TLE3: variants seen among roughly 807,000 people sequenced by gnomAD.
TLE3 encodes the protein TLE family member 3, transcriptional corepressor, also known as transducin-like enhancer protein 3.
In TLE3, 14 loss-of-function variants were observed where a neutral mutation model predicts 93.0. The observed-to-expected ratio is 0.15, with a 90% CI of 0.10 to 0.24. The LOEUF (loss-of-function observed/expected upper bound fraction) is 0.24, where lower values mean the gene tolerates loss of function less well. TLE3 is among the 10% of genes least tolerant of loss of function. The pLI is 1.00. For missense variants in TLE3, 693 were observed against 1,046.6 expected, an observed-to-expected ratio of 0.66 and a Z score of 4.66; for synonymous variants, 451 against 425.0, an observed-to-expected ratio of 1.06 and a Z score of -0.75.
chr15:70,095,423 G>A (rs1465882879), intron 3 of TLE3, 155 bp downstream of exon 3: 4 of 1,501,626 alleles, frequency 2.7e-6, no homozygotes, highest in Non-Finnish European at 2.7e-6. Flanking sequence ...TGGAAGCTGG[G>A]GAAGGGGAGG....
chr15:70,051,412 A>G lies in TLE3; in HGVS notation c.2181T>C (p.Pro727=). ...KDNLLNAWRT[P]YGASIFQSKE... Reference sequence around the variant, plus strand: ...GTACCTGGAATATGCTGGCTCCATAAGGCGTCCTCCAGGCGTTGAGAAGGT... The same window carrying G: ...GTACCTGGAATATGCTGGCTCCATAGGGCGTCCTCCAGGCGTTGAGAAGGT... The change falls in exon 19 of 20, where the codon CCT becomes CCC. Residue 727 remains proline (P), a synonymous_variant. Transcript: ENST00000451782. The G allele has an allele frequency of 1.2e-6, 2 of 1,610,040 alleles. No individual in the cohort carries two copies. The highest frequency in any genetic ancestry group is 1.7e-4 in the Middle Eastern group (1 of 6,060).
At chr15:70,051,317 C>A in intron 19 of TLE3, 74 bp downstream of exon 19, 1 of 1,431,910 alleles carries the variant, frequency 7.0e-7, no homozygotes, top group South Asian at 1.3e-5. Flanking sequence ...CTGCTGCTAT[C>A]CTCACTCCCA....
intron 12 of TLE3, 194 bp downstream of exon 12, chr15:70,057,965 A>T: frequency 2.2e-6 from 2 of 920,342 alleles, no homozygotes; most frequent in Non-Finnish European, 3.2e-6. Context: ...TGCTGCTTTC[A>T]TGTCTGGCCC....
In TLE3 at chr15:70,096,837, C is replaced by T. The variant is rs890985958; in HGVS notation, c.-39G>A. On this transcript the variant is annotated 5_prime_UTR_variant, in exon 1 of 20. Coordinates refer to ENST00000451782, the MANE Select transcript of TLE3 (RefSeq NM_001105192.3). ...CGTGATTCCGAGAGCGTGGAAGCGC[C>T]GAGAGCCCGGGCCGGGGAGGTGCGG... 1.9e-6 allele frequency: 3 copies of T among 1,600,638 alleles called. No homozygotes were observed. The highest frequency in any genetic ancestry group is 1.3e-5 in the African/African-American group (1 of 74,274).
Position 70,065,996 on chromosome 15 carries a change from G to GGC in TLE3, c.577+17_577+18insGC. 3 of 1,347,752 alleles carry GGC rather than the reference G, an allele frequency of 2.2e-6. No homozygotes were observed. Among genetic ancestry groups the GGC allele is most frequent in the Non-Finnish European group, 3.1e-6 (3 of 955,716 alleles). 83.5% of individuals were successfully genotyped at this position (1,347,752 alleles called of 1,614,324 possible). ...CCACCCCTGCCCCGCCCCACCCTCT[G>GGC]CCCCAGCCCAGCCGCACCTCTGTGA... On this transcript the variant is annotated intron_variant, in intron 7 of 19. Transcript: ENST00000451782.
chr15:70,068,199 A>G (rs76226590), intron 6 of TLE3, among the ~76,000 whole-genome samples: 3,288 of 152,260 alleles, frequency 0.022, 158 homozygotes, highest in East Asian at 0.21. Flanking sequence ...TTACCCTTCA[A>G]TCCTACCCTC....
intron 16 of TLE3, 31 bp downstream of exon 16, chr15:70,054,407 G>A (rs1328135219): frequency 2.5e-6 from 4 of 1,596,236 alleles, no homozygotes; most frequent in East Asian, 2.2e-5. Context: ...TCCCCAGGAC[G>A]AGGCACTAAT....
chr15:70,065,887 G>T, intron 7 of TLE3, 127 bp downstream of exon 7: 1 of 1,038,208 alleles, frequency 9.6e-7, no homozygotes, highest in Non-Finnish European at 1.4e-6. Context: ...ATCAACAGAT[G>T]ACTCCAAATC....
At chr15:70,062,107 C>T (rs2056516706) in intron 8 of TLE3, among the ~76,000 whole-genome samples, 1 of 152,306 alleles carries the variant, frequency 6.6e-6, no homozygotes, top group African/African-American at 2.4e-5. Context: ...GCAGCCCTAC[C>T]CGGCCAAGTT....
chr15:70,058,339 TCCTAGGAG>T lies in TLE3; in HGVS notation c.919-56_919-49del, dbSNP rs768836762. 1 of 1,548,486 alleles carries T rather than the reference TCCTAGGAG, an allele frequency of 6.5e-7. No homozygotes were observed. Among genetic ancestry groups the T allele is most frequent in the Non-Finnish European group, 8.7e-7 (1 of 1,145,924 alleles). ...AAGGGAGGCCATGAGGCTTCCATTC[TCCTAGGAG>T]CCGGGCACAACTGGTGCCGGTCCCA... On this transcript the variant is annotated intron_variant, in intron 11 of 19. Transcript: ENST00000451782. This position sits in a 1 kb window ranked among gnomAD's most constrained non-coding sequence, Gnocchi z 4.1.
chr15:70,068,734 C>A (rs2056967712), intron 6 of TLE3, among the ~76,000 whole-genome samples: 1 of 152,186 alleles, frequency 6.6e-6, no homozygotes, highest in African/African-American at 2.4e-5. Flanking sequence ...AGTTGAATAG[C>A]TCCACGCACC....
In TLE3 at chr15:70,095,570, C is replaced by T; in HGVS notation, c.189+8G>A. 6.4e-7 allele frequency: 1 copy of T among 1,550,890 alleles called. No homozygotes were observed. Among genetic ancestry groups the T allele is most frequent in the Non-Finnish European group, 8.7e-7 (1 of 1,146,586 alleles). ...CAACCGCCCCCCAGGCCCGCGGCCGCATCTCACCATCACATAATGGCGCTG... is the reference window on the plus strand; with the variant it reads ...CAACCGCCCCCCAGGCCCGCGGCCGTATCTCACCATCACATAATGGCGCTG... On this transcript the variant is annotated splice_region_variant and intron_variant, in intron 3 of 19. Transcript: ENST00000451782.
Position 70,097,406 on chromosome 15 carries a change from G to C in TLE3, c.-608C>G. 2.4e-6 allele frequency: 1 copy of C among 409,802 alleles called. No homozygotes were observed. The highest frequency in any genetic ancestry group is 4.3e-6 in the Non-Finnish European group (1 of 232,492). 25.4% of individuals were successfully genotyped at this position (409,802 alleles called of 1,614,324 possible). A position where few individuals can be genotyped will look rare whatever the true frequency, so the allele number is the denominator to read the frequency against. ...GGGAGCCCGGCGCGGGCGCTTCGAC[G>C]CCCCCCCTCGGAGAGGAGAGCCTGC... is the stretch of plus-strand genomic sequence containing the variant. On this transcript the variant is annotated 5_prime_UTR_variant, in exon 1 of 20. Coordinates refer to ENST00000451782, the MANE Select transcript of TLE3 (RefSeq NM_001105192.3).
chr15:70,062,008 T>C (rs2056508868), intron 8 of TLE3, among the ~76,000 whole-genome samples: 1 of 152,144 alleles, frequency 6.6e-6, no homozygotes, highest in East Asian at 1.9e-4. Flanking sequence ...CAAGGGCCAC[T>C]TGGAGGGAAC....
At chr15:70,050,365 G>C in intron 19 of TLE3, 161 bp from the exon 20 acceptor site, 1 of 533,192 alleles carries the variant, frequency 1.9e-6, no homozygotes, top group South Asian at 1.9e-5. Context: ...ACAGTGCGGT[G>C]AAGAGGAGGT....
intron 4 of TLE3, chr15:70,079,510 C>A (rs772284260): frequency 4.4e-6 from 2 of 452,766 alleles, no homozygotes; most frequent in East Asian, 7.5e-5. Flanking sequence ...TGTCACTGTG[C>A]CATCATCTGC....
intron 6 of TLE3, among the ~76,000 whole-genome samples, chr15:70,072,805 A>T (rs1158317053): frequency 6.6e-6 from 1 of 152,250 alleles, no homozygotes; most frequent in African/African-American, 2.4e-5. Context: ...CACAATGCAC[A>T]GGATGGCAAA....
intron 12 of TLE3, 65 bp from the exon 13 acceptor site, chr15:70,057,723 AC>A (rs1264657881): frequency 6.6e-7 from 1 of 1,520,864 alleles, no homozygotes; most frequent in Non-Finnish European, 8.8e-7. Context: ...TGGCCGCCTC[AC>A]CCAGCAATAA....
intron 8 of TLE3, 37 bp downstream of exon 8, chr15:70,064,417 C>T: frequency 6.2e-7 from 1 of 1,612,850 alleles, no homozygotes; most frequent in South Asian, 1.1e-5. Context: ...TCCCAGCACC[C>T]AAACACCCCT....
Sources: gnomAD v4.1 joint callset for allele counts (sites outside exome capture counted in the v4.1 genomes callset) on GRCh38, gnomAD v4.1.1 for gene constraint, Gnocchi (gnomAD v3.1) non-coding constraint, MANE v1.5 for transcripts, NCBI Gene and HGNC (gene_info 2026-07-23, HGNC 2026-07-21) for gene names.